Variants in OTUD7B observed in about 807,000 individuals in gnomAD.
OTUD7B encodes OTU deubiquitinase 7B.
OTUD7B carries 34 observed loss-of-function variants against 82.2 expected under a neutral mutation model. That is an observed-to-expected ratio of 0.41 (90% CI 0.31 to 0.55). OTUD7B has a LOEUF of 0.55. OTUD7B is among the 20% of genes least tolerant of loss of function. The probability of loss-of-function intolerance (pLI) is 0.20; values close to 1 mark genes in which losing one functional copy is unlikely to be tolerated. For synonymous variants in OTUD7B, 398 were observed against 402.7 expected, an observed-to-expected ratio of 0.99 and a Z score of 0.14; for missense variants, 944 against 1,062.1, an observed-to-expected ratio of 0.89 and a Z score of 1.55.
the OTUD7B span, among the ~76,000 whole-genome samples, chr1:150,063,627 A>G: frequency 6.6e-6 from 1 of 152,200 alleles, no homozygotes; most frequent in Non-Finnish European, 1.5e-5. Context: ...GTCATGCTAC[A>G]AGCCAACTCA....
Position 149,959,774 on chromosome 1 carries a change from T to C in OTUD7B, c.755A>G (p.Asp252Gly), listed in dbSNP as rs1649003166. The part of the protein sequence containing the change: ...NKESGLVYTE[D>G]EWQKEWNELI... The stretch of plus-strand genomic sequence containing the variant: ...TTCATTCCACTCCTTCTGCCATTCA[T>C]CTTCTGTGTATACCAGCCCTGACTG... Residue 252 changes from aspartate to glycine, a missense_variant, in exon 7 of 12, where the codon GAT becomes GGT. Asp to Gly is a moderately conservative substitution (Grantham distance 94). Coordinates refer to ENST00000581312, the MANE Select transcript of OTUD7B (RefSeq NM_020205.4). 1.9e-6 allele frequency: 3 copies of C among 1,613,604 alleles called. No individual in the cohort carries two copies. Among genetic ancestry groups the C allele is most frequent in the Non-Finnish European group, 2.5e-6 (3 of 1,179,642 alleles).
the OTUD7B span, among the ~76,000 whole-genome samples, chr1:150,046,098 A>G: frequency 6.6e-6 from 1 of 152,206 alleles, no homozygotes; most frequent in African/African-American, 2.4e-5. Context: ...CCTTGATCCA[A>G]CCTAGTTTTA....
At chr1:149,958,323 T>TTC (rs1491371179) in intron 7 of OTUD7B, among the ~76,000 whole-genome samples, 3 of 1,944 alleles carry the variant, frequency 1.5e-3, no homozygotes, top group Non-Finnish European at 4.7e-3. Flanking sequence ...AAGGACTACC[T>TTC]TTTTTTTTTT....
intron 1 of OTUD7B, among the ~76,000 whole-genome samples, chr1:150,006,359 A>G (rs1652671562): frequency 1.3e-5 from 2 of 152,150 alleles, no homozygotes; most frequent in African/African-American, 4.8e-5. Flanking sequence ...CGGGAGGCTG[A>G]GGCAGGACAA....
chr1:150,018,399 T>C, the OTUD7B span, among the ~76,000 whole-genome samples: 1 of 152,174 alleles, frequency 6.6e-6, no homozygotes, highest in South Asian at 2.1e-4. Context: ...GCAGACTAGC[T>C]GCCCCCAGGC....
chr1:149,941,672 A>T lies in OTUD7B; in HGVS notation c.*2185T>A, dbSNP rs1350187730. On this transcript the variant is annotated 3_prime_UTR_variant, in exon 12 of 12. Coordinates refer to ENST00000581312, the MANE Select transcript of OTUD7B (RefSeq NM_020205.4). Reference sequence around the variant, plus strand: ...TTAAATAAGAAGGATTCATCCCCATACTTATTCAATTCAGCCTCACTTCCC... The same window carrying T: ...TTAAATAAGAAGGATTCATCCCCATTCTTATTCAATTCAGCCTCACTTCCC... The T allele has an allele frequency of 6.6e-6, 1 of 152,234 alleles. No homozygotes were observed. The highest frequency in any genetic ancestry group is 1.5e-5 in the Non-Finnish European group (1 of 68,026). The allele number at this position is 152,234 out of a possible 1,614,324, so 9.4% of individuals were successfully genotyped here.
At chr1:150,046,272 C>T in the OTUD7B span, among the ~76,000 whole-genome samples, 1 of 151,992 alleles carries the variant, frequency 6.6e-6, no homozygotes, top group Non-Finnish European at 1.5e-5. Context: ...TGTCACAATC[C>T]TGAGTCCAGC....
At chr1:149,988,991 T>G (rs1553781444) in intron 1 of OTUD7B, among the ~76,000 whole-genome samples, 1 of 152,264 alleles carries the variant, frequency 6.6e-6, no homozygotes, top group African/African-American at 2.4e-5. Context: ...CTTCTCTCCC[T>G]TTCTTGATTT....
chr1:149,949,717 A>G lies in OTUD7B; in HGVS notation c.1035T>C (p.Cys345=), dbSNP rs1015294189. 15 of 1,614,178 alleles carry G rather than the reference A, an allele frequency of 9.3e-6. No homozygotes were observed. The highest frequency in any genetic ancestry group is 5.3e-5 in the African/African-American group (4 of 75,052). The change falls in exon 9 of 12, where the codon TGT becomes TGC. Residue 345 remains cysteine (C), a synonymous_variant. Coordinates refer to ENST00000581312, the MANE Select transcript of OTUD7B (RefSeq NM_020205.4). ...AGGCGAGCACCAGAGGGGAGCGGTG[A>G]CACTGGCTGGCTGGGACCTCCAAAG... The part of the protein sequence containing the change: ...YLPLEVPASQ[C]HRSPLVLAYD...
the OTUD7B span, among the ~76,000 whole-genome samples, chr1:150,039,657 G>A: frequency 1.3e-5 from 2 of 152,234 alleles, no homozygotes; most frequent in African/African-American, 4.8e-5. Flanking sequence ...TTACAGGCAT[G>A]AGCCACTGCG....
intron 11 of OTUD7B, 21 bp from the exon 12 acceptor site, chr1:149,945,086 GT>G: frequency 6.2e-7 from 1 of 1,603,798 alleles, no homozygotes. Flanking sequence ...CAAGAACACT[GT>G]TGACAGTTAT....
intron 1 of OTUD7B, among the ~76,000 whole-genome samples, chr1:149,998,969 T>A (rs1553784031): frequency 6.6e-6 from 1 of 152,214 alleles, no homozygotes; most frequent in African/African-American, 2.4e-5. Flanking sequence ...CATTTATCTG[T>A]ATGTAACCAT....
At chr1:150,013,739 G>A (rs1183988032), upstream of OTUD7B, among the ~76,000 whole-genome samples, 1 of 150,594 alleles carries the variant, frequency 6.6e-6, no homozygotes, top group Non-Finnish European at 1.5e-5. Flanking sequence ...TGGCTAACCC[G>A]GTGAAACCCT....
chr1:149,975,740 C>T (rs1650259267), intron 2 of OTUD7B, among the ~76,000 whole-genome samples: 1 of 151,848 alleles, frequency 6.6e-6, no homozygotes, highest in Non-Finnish European at 1.5e-5. Flanking sequence ...ACTAAAAATG[C>T]AAATTAGGCT....
At chr1:149,970,831 A>AT (rs1649874030) in intron 3 of OTUD7B, among the ~76,000 whole-genome samples, 1 of 151,982 alleles carries the variant, frequency 6.6e-6, no homozygotes, top group African/African-American at 2.4e-5. Flanking sequence ...TCCTTCCTCT[A>AT]TTTCTTTCAC....
At chr1:150,043,735 C>A in the OTUD7B span, among the ~76,000 whole-genome samples, 1 of 152,200 alleles carries the variant, frequency 6.6e-6, no homozygotes, top group East Asian at 1.9e-4. Flanking sequence ...ATTATTATAA[C>A]ATTTTTCAGG....
chr1:149,964,203 C>T lies in OTUD7B; in HGVS notation c.732+19G>A. 1 of 1,608,906 alleles carries T rather than the reference C, an allele frequency of 6.2e-7. No homozygotes were observed. The highest frequency in any genetic ancestry group is 8.5e-7 in the Non-Finnish European group (1 of 1,179,756). On this transcript the variant is annotated intron_variant, in intron 6 of 11. Coordinates refer to ENST00000581312, the MANE Select transcript of OTUD7B (RefSeq NM_020205.4). The stretch of plus-strand genomic sequence containing the variant: ...TGGTAACTTTAGGAAACAAGGCGCT[C>T]CCACCCACGCTCTCCCACCTCTTTA...
At chr1:149,969,950 C>A (rs1489680678) in intron 3 of OTUD7B, among the ~76,000 whole-genome samples, 1 of 152,088 alleles carries the variant, frequency 6.6e-6, no homozygotes, top group Non-Finnish European at 1.5e-5. Context: ...GATCCACCAG[C>A]CTTGGTCTCC....
Position 149,974,849 on chromosome 1 carries a change from CTCTT to C in OTUD7B, c.85+2573_85+2576del, listed in dbSNP as rs1476348645. On this transcript the variant is annotated intron_variant, in intron 2 of 11. Transcript: ENST00000581312. The stretch of plus-strand genomic sequence containing the variant: ...ACAGGCATAAGCCACTGCACCCAGC[CTCTT>C]TCTTTTTCTTTCTTTTTTTTTTAAG... 7.9e-5 allele frequency among the ~76,000 whole-genome samples: 9 copies of C among 113,628 alleles called. No homozygotes were observed. In the East Asian group the frequency reaches 1.0e-3, roughly 13 times the overall value. 74.5% of individuals were successfully genotyped at this position (113,628 alleles called of 152,430 possible). A position where few individuals can be genotyped will look rare whatever the true frequency, so the allele number is the denominator to read the frequency against.
Sources: gnomAD v4.1 joint callset for allele counts (sites outside exome capture counted in the v4.1 genomes callset) on GRCh38, gnomAD v4.1.1 for gene constraint, MANE v1.5 for transcripts, NCBI Gene and HGNC (gene_info 2026-07-23, HGNC 2026-07-21) for gene names.